ARFGAP1: variants seen among roughly 807,000 people sequenced by gnomAD.
ARFGAP1 encodes the protein ARF GTPase activating protein 1.
In ARFGAP1, 26 loss-of-function variants were observed where a neutral mutation model predicts 54.0. That is an observed-to-expected ratio of 0.48 (90% CI 0.35 to 0.67). The LOEUF (loss-of-function observed/expected upper bound fraction) is 0.67. Ranked by LOEUF, ARFGAP1 falls within the 30% of genes least tolerant of loss-of-function variation. The pLI, the probability that ARFGAP1 is intolerant of heterozygous loss-of-function variation, is 0.00. For missense variants in ARFGAP1, 525 were observed against 535.8 expected, an observed-to-expected ratio of 0.98 and a Z score of 0.20; for synonymous variants, 248 against 211.9, an observed-to-expected ratio of 1.17 and a Z score of -1.48.
chr20:63,275,819 G>T (rs1047649181), intron 2 of ARFGAP1, among the ~76,000 whole-genome samples, 179 bp downstream of exon 2: 2 of 152,198 alleles, frequency 1.3e-5, no homozygotes, highest in African/African-American at 4.8e-5. Flanking sequence ...TTAGAGTGGT[G>T]CCATTTCTGG....
Position 63,288,144 on chromosome 20 carries a change from G to A in ARFGAP1, c.*271G>A. The A allele has an allele frequency of 1.7e-6, 1 of 598,304 alleles. No homozygotes were observed. The highest frequency in any genetic ancestry group is 1.8e-5 in the South Asian group (1 of 55,190). The allele number at this position is 598,304 out of a possible 1,614,324, so 37.1% of individuals were successfully genotyped here. Reference sequence around the variant, plus strand: ...TTCTTGGACTCAAGGCCGGGGCTCTGCGTGGCTTGCTGGGAGGTGGGCTGC... The same window carrying A: ...TTCTTGGACTCAAGGCCGGGGCTCTACGTGGCTTGCTGGGAGGTGGGCTGC... On this transcript the variant is annotated 3_prime_UTR_variant, in exon 13 of 13. Coordinates refer to ENST00000370283, the MANE Select transcript of ARFGAP1 (RefSeq NM_018209.4).
chr20:63,288,845 A>C lies in ARFGAP1; in HGVS notation c.*972A>C. The C allele has an allele frequency of 6.8e-6, 2 of 292,784 alleles. No individual in the cohort carries two copies. Among genetic ancestry groups the C allele is most frequent in the Non-Finnish European group, 6.9e-6 (1 of 145,522 alleles). 18.1% of individuals were successfully genotyped at this position (292,784 alleles called of 1,614,324 possible). A position where few individuals can be genotyped will look rare whatever the true frequency, so the allele number is the denominator to read the frequency against. ...TCGTCTCCCTTGTCTGCCCTGTGTG[A>C]CCCTCAGTCTTGGCCAGCCATGCAT... On this transcript the variant is annotated 3_prime_UTR_variant, in exon 13 of 13. Transcript: ENST00000370283.
chr20:63,272,933 C>G lies in ARFGAP1; in HGVS notation c.-5+13C>G, dbSNP rs1160429163. On this transcript the variant is annotated intron_variant, in intron 1 of 12. Transcript: ENST00000370283. ...CCCCTCCCTCCAGGTAAGCGCGCGG[C>G]TCGGCGGCGCGGGCTCGGCCTGAGG... 1 of 151,924 alleles carries G rather than the reference C, an allele frequency of 6.6e-6. No homozygotes were observed. Among genetic ancestry groups the G allele is most frequent in the Non-Finnish European group, 1.5e-5 (1 of 68,018 alleles). 9.4% of individuals were successfully genotyped at this position (151,924 alleles called of 1,614,324 possible).
At chr20:63,284,978 G>A (rs1344192106) in intron 10 of ARFGAP1, 56 bp downstream of exon 10, 1 of 1,595,818 alleles carries the variant, frequency 6.3e-7, no homozygotes, top group Non-Finnish European at 8.6e-7. Context: ...GGGGACGTGG[G>A]TGTGTCAGGG....
Position 63,287,633 on chromosome 20 carries a change from C to T in ARFGAP1, c.981C>T (p.Ser327=), listed in dbSNP as rs1373262752. ...TCCAAAACAGCAACATAGACCAGAG[C>T]TTCTGGGAGACCTTTGGAAGTGCTG... ...DHFQNSNIDQ[S]FWETFGSAEP... is the part of the protein sequence containing the mutation. The change falls in exon 13 of 13, where the codon AGC becomes AGT. Residue 327 remains serine (S), a synonymous_variant. Coordinates refer to ENST00000370283, the MANE Select transcript of ARFGAP1 (RefSeq NM_018209.4). The T allele has an allele frequency of 1.9e-6, 3 of 1,612,534 alleles. No homozygotes were observed. The highest frequency in any genetic ancestry group is 2.2e-5 in the South Asian group (2 of 91,050).
chr20:63,285,542 C>T (rs749315390), intron 10 of ARFGAP1, 112 bp from the exon 11 acceptor site: 149 of 1,127,638 alleles, frequency 1.3e-4, no homozygotes, highest in Non-Finnish European at 1.5e-4. Context: ...TGATGGGTAT[C>T]CACATGCCCC....
In ARFGAP1 at chr20:63,288,503, A is replaced by G. The variant is rs987485920; in HGVS notation, c.*630A>G. 1.1e-5 allele frequency: 5 copies of G among 455,876 alleles called. No individual in the cohort carries two copies. The highest frequency in any genetic ancestry group is 1.8e-5 in the Non-Finnish European group (4 of 226,756). The allele number at this position is 455,876 out of a possible 1,614,324, so 28.2% of individuals were successfully genotyped here. A position where few individuals can be genotyped will look rare whatever the true frequency, so the allele number is the denominator to read the frequency against. ...GCACCGTCCCACCACCAAGTTCACC[A>G]GGTTCACCAGACACGGCCTCCACAA... On this transcript the variant is annotated 3_prime_UTR_variant, in exon 13 of 13. Transcript: ENST00000370283.
chr20:63,275,594 G>A lies in ARFGAP1; in HGVS notation c.14G>A (p.Arg5Lys). Reference protein sequence around the residue: MASPRTRKVLKEVRV... With the variant: MASPKTRKVLKEVRV... ...CTTTGCAGCATCATGGCCAGCCCAAGAACCAGGAAGGTTCTTAAAGAAGTC... is the reference window on the plus strand; with the variant it reads ...CTTTGCAGCATCATGGCCAGCCCAAAAACCAGGAAGGTTCTTAAAGAAGTC... Residue 5 changes from arginine (R) to lysine (K), a missense_variant, in exon 2 of 13, where the codon AGA becomes AAA. Transcript: ENST00000370283. The A allele has an allele frequency of 6.2e-7, 1 of 1,613,904 alleles. No individual in the cohort carries two copies. Among genetic ancestry groups the A allele is most frequent in the Non-Finnish European group, 8.5e-7 (1 of 1,179,992 alleles).
chr20:63,275,496 G>C, intron 1 of ARFGAP1, 81 bp from the exon 2 acceptor site: 1 of 1,353,250 alleles, frequency 7.4e-7, no homozygotes, highest in Non-Finnish European at 1.0e-6. Context: ...CTGTTGTGTG[G>C]TGTTTTTGGA....
chr20:63,282,248 C>T (rs367622673), intron 8 of ARFGAP1, among the ~76,000 whole-genome samples: 13 of 152,256 alleles, frequency 8.5e-5, no homozygotes, highest in African/African-American at 2.4e-4. Context: ...CGAGCGTCAG[C>T]TTCTGGTTCC....
chr20:63,284,004 C>T (rs1033710244), intron 9 of ARFGAP1: 1 of 1,511,010 alleles, frequency 6.6e-7, no homozygotes, highest in Non-Finnish European at 8.9e-7. Flanking sequence ...CGCTCAGACC[C>T]TCTCCCTGGC....
At position 63,276,649 on chromosome 20, in the gene ARFGAP1, A is replaced by G. The variant is rs2067244116; in HGVS notation, c.340A>G (p.Lys114Glu). The change falls in exon 4 of 13, where the codon AAG becomes GAG. Residue 114 changes from lysine to glutamate, a missense_variant and splice_region_variant. By Grantham distance (56) the Lys-to-Glu change is moderately conservative. Transcript: ENST00000370283. The surrounding 1 kb of genome is among the most constrained non-coding windows in gnomAD (Gnocchi z 5.2). ...CAGAGCCGCGGCCCTCTTTAGGGAT[A>G]AGGTAGAGATGGGCCCGATTCACTC... ...NSRAAALFRD[K>E]VVALAEGREW... 1 of 1,606,766 alleles carries G rather than the reference A, an allele frequency of 6.2e-7. No homozygotes were observed. The highest frequency in any genetic ancestry group is 2.2e-5 in the East Asian group (1 of 44,818).
rs775620661 is a variant in ARFGAP1, at chr20:63,287,801, C to T, written c.1149C>T (p.Gly383=). Residue 383 remains glycine (G), a synonymous_variant, in exon 13 of 13, where the codon GGC becomes GGT. Transcript: ENST00000370283. ...ACAGCAACAGCGACGGCGGGGAGGG[C>T]GGGGAGGGCACCAAGAAGGCAGTGC... ...NRNSNSDGGE[G]GEGTKKAVPP... 62 of 1,033,112 alleles carry T rather than the reference C, an allele frequency of 6.0e-5. No homozygotes were observed. The highest frequency in any genetic ancestry group is 3.8e-4 in the East Asian group (11 of 28,990). The allele number at this position is 1,033,112 out of a possible 1,614,324, so 64.0% of individuals were successfully genotyped here.
At chr20:63,285,338 G>T in intron 10 of ARFGAP1, 1 of 507,882 alleles carries the variant, frequency 2.0e-6, no homozygotes, top group Non-Finnish European at 3.6e-6. Flanking sequence ...CCAGCTCCCT[G>T]CCTCCTTCGG....
In ARFGAP1 at chr20:63,276,470, T is replaced by C. The variant is rs1230547341; in HGVS notation, c.171-10T>C. ...GTGCTGGTTGATCTGCTCGATCCTC[T>C]GCTTTCCAGCTTTGTGCGCTCTGTT... is the stretch of plus-strand genomic sequence containing the variant. On this transcript the variant is annotated splice_polypyrimidine_tract_variant and intron_variant, in intron 3 of 12. Transcript: ENST00000370283. This position sits in a 1 kb window ranked among gnomAD's most constrained non-coding sequence, Gnocchi z 5.2. 2 of 1,606,898 alleles carry C rather than the reference T, an allele frequency of 1.2e-6. No homozygotes were observed. Among genetic ancestry groups the C allele is most frequent in the Non-Finnish European group, 1.7e-6 (2 of 1,175,718 alleles).
Position 63,275,785 on chromosome 20 carries a change from G to C in ARFGAP1, c.60+145G>C, listed in dbSNP as rs563910070. On this transcript the variant is annotated intron_variant, in intron 2 of 12. Transcript: ENST00000370283. ...CTCTGGACGTGCATGGCTTGTGCTG[G>C]CTGGTGGCCTGGGTGGCCGGCTCTT... 2.4e-5 allele frequency: 20 copies of C among 848,050 alleles called. No homozygotes were observed. In the East Asian group the frequency reaches 5.3e-4, roughly 23 times the overall value. 52.5% of individuals were successfully genotyped at this position (848,050 alleles called of 1,614,324 possible). A position where few individuals can be genotyped will look rare whatever the true frequency, so the allele number is the denominator to read the frequency against.
intron 9 of ARFGAP1, chr20:63,283,525 G>A (rs2067440835): frequency 5.3e-6 from 2 of 376,426 alleles, no homozygotes; most frequent in Non-Finnish European, 9.6e-6. Context: ...TTTCTCACGA[G>A]GTGCCCATCC....
intron 9 of ARFGAP1, chr20:63,283,876 A>G: frequency 6.2e-7 from 1 of 1,613,568 alleles, no homozygotes; most frequent in East Asian, 2.2e-5. Context: ...CAGCAGCCGG[A>G]GCCGGTAAAG....
intron 5 of ARFGAP1, 36 bp from the exon 6 acceptor site, chr20:63,278,081 G>C (rs2067278705): frequency 1.2e-6 from 2 of 1,606,450 alleles, no homozygotes; most frequent in East Asian, 4.5e-5. Context: ...ACTTCACCCA[G>C]TTTTGGCCTT....
Sources: gnomAD v4.1 joint callset for allele counts (sites outside exome capture counted in the v4.1 genomes callset) on GRCh38, gnomAD v4.1.1 for gene constraint, Gnocchi (gnomAD v3.1) non-coding constraint, MANE v1.5 for transcripts, NCBI Gene and HGNC (gene_info 2026-07-23, HGNC 2026-07-21) for gene names.